PLA2G4E: variants seen among roughly 807,000 people sequenced by gnomAD.
PLA2G4E encodes the protein phospholipase A2 group IVE, also known as cytosolic phospholipase A2 epsilon.
A neutral mutation model predicts 109.1 loss-of-function variants in PLA2G4E; 84 were observed. The ratio of observed to expected loss-of-function variants is 0.77; its 90% CI spans 0.65 to 0.92. The LOEUF is 0.92. Ranked by LOEUF, PLA2G4E falls within the 40% of genes least tolerant of loss-of-function variation. PLA2G4E has a pLI of 0.00. For missense variants in PLA2G4E, 1,057 were observed against 1,076.6 expected (o/e 0.98, Z 0.25); for synonymous variants, 469 against 436.1 (o/e 1.08, Z -0.94).
intron 1 of PLA2G4E, among the ~76,000 whole-genome samples, chr15:42,045,319 G>A (rs565397385): frequency 6.6e-6 from 1 of 152,300 alleles, no homozygotes; most frequent in South Asian, 2.1e-4. Context: ...GGAAGGGCAT[G>A]AGCTGGGGGC....
intron 1 of PLA2G4E, among the ~76,000 whole-genome samples, chr15:42,017,859 A>T (rs2068611291): frequency 6.6e-6 from 1 of 152,208 alleles, no homozygotes; most frequent in South Asian, 2.1e-4. Flanking sequence ...AGCACATCAG[A>T]GCCATAAGGG....
chr15:41,994,913 C>T (rs1216940182), intron 12 of PLA2G4E, among the ~76,000 whole-genome samples: 1 of 152,242 alleles, frequency 6.6e-6, no homozygotes, highest in East Asian at 1.9e-4. Context: ...CCCTGGCCTC[C>T]CTGTGGGGGA....
chr15:42,007,760 CT>C lies in PLA2G4E; in HGVS notation c.361del (p.Ser121AlafsTer10). 1 of 1,612,758 alleles carries C rather than the reference CT, an allele frequency of 6.2e-7. No individual in the cohort carries two copies. The highest frequency in any genetic ancestry group is 8.5e-7 in the Non-Finnish European group (1 of 1,179,394). On this transcript the variant is annotated frameshift_variant, in exon 3 of 20. Transcript: ENST00000399518. LOFTEE classifies it high-confidence loss of function. ...TCGGCTCTGGATCTGGAAGTTGAAG[CT>C]TTCATTCCACTCTGGATTTGGGCAG...
At chr15:42,034,073 C>T (rs1250162917) in intron 1 of PLA2G4E, among the ~76,000 whole-genome samples, 1 of 152,170 alleles carries the variant, frequency 6.6e-6, no homozygotes, top group African/African-American at 2.4e-5. Flanking sequence ...TAGCCCTCAG[C>T]AACTGTCTGC....
chr15:42,015,863 TCG>T (rs2068588807), intron 1 of PLA2G4E, among the ~76,000 whole-genome samples: 1 of 152,352 alleles, frequency 6.6e-6, no homozygotes, highest in African/African-American at 2.4e-5. Flanking sequence ...AGGGGCAGCC[TCG>T]CACGGGTTCT....
At chr15:41,988,053 G>A (rs758127594) in exon 16 of PLA2G4E, 7 of 1,597,650 alleles carry the variant, frequency 4.4e-6, no homozygotes, top group African/African-American at 1.3e-5. Context: ...ACCCACCGAT[G>A]TCCTGCACTT....
chr15:42,046,884 G>A (rs1435165272), intron 1 of PLA2G4E, among the ~76,000 whole-genome samples: 1 of 152,182 alleles, frequency 6.6e-6, no homozygotes, highest in Admixed American at 6.5e-5. Flanking sequence ...TGATTCAAAG[G>A]TAATCTGATA....
intron 1 of PLA2G4E, among the ~76,000 whole-genome samples, chr15:42,029,021 T>A (rs1300808093): frequency 2.0e-5 from 3 of 152,248 alleles, no homozygotes; most frequent in African/African-American, 7.2e-5. Context: ...GTCATCAATG[T>A]ATCTGGCTCA....
At chr15:42,016,241 CTTTTTTTTTTT>C (rs1168452228) in intron 1 of PLA2G4E, among the ~76,000 whole-genome samples, 329 of 104,684 alleles carry the variant, frequency 3.1e-3, no homozygotes, top group African/African-American at 0.012. Context: ...TTTATCTTTA[CTTTTTTTTTTT>C]TTTTTTTTTT....
intron 12 of PLA2G4E, among the ~76,000 whole-genome samples, chr15:41,994,662 C>A (rs1234252973): frequency 2.0e-5 from 3 of 151,880 alleles, no homozygotes; most frequent in African/African-American, 7.3e-5. Flanking sequence ...CCATACCTGG[C>A]CACATAAAAA....
At chr15:42,007,940 G>T in intron 2 of PLA2G4E, 75 bp from the exon 3 acceptor site, 1 of 1,481,716 alleles carries the variant, frequency 6.7e-7, no homozygotes, top group Non-Finnish European at 9.2e-7. Context: ...CTTCAGGCAA[G>T]CCTCTTCCAG....
At position 42,002,689 on chromosome 15, in the gene PLA2G4E, G is replaced by A. The variant is rs773073799; in HGVS notation, c.574C>T (p.Pro192Ser). The stretch of plus-strand genomic sequence containing the variant: ...CCATTGGTGACGAGGGTCTCAGGTG[G>A]AGAGGGACTGAAAAACAAAAGGAGA... Residue 192 changes from proline to serine, a missense_variant, in exon 6 of 20, where the codon CCA becomes TCA. Transcript: ENST00000399518. 19 of 1,579,674 alleles carry A rather than the reference G, an allele frequency of 1.2e-5. No individual in the cohort carries two copies. In the Admixed American group the frequency reaches 3.3e-4, roughly 27 times the overall value.
chr15:41,982,858 G>A (rs892776652), exon 20 of PLA2G4E: 1 of 152,198 alleles, frequency 6.6e-6, no homozygotes, highest in Admixed American at 6.5e-5. Flanking sequence ...CACTGAAACC[G>A]GCCACCTATT....
intron 1 of PLA2G4E, among the ~76,000 whole-genome samples, chr15:42,048,733 G>A (rs1416980060): frequency 6.6e-6 from 1 of 152,218 alleles, no homozygotes; most frequent in Non-Finnish European, 1.5e-5. Flanking sequence ...CCCCATAGAG[G>A]GAGAAACTGA....
exon 20 of PLA2G4E, chr15:41,982,872 C>T (rs966355369): frequency 1.3e-5 from 2 of 152,224 alleles, no homozygotes; most frequent in South Asian, 4.1e-4. Context: ...ACCTATTTGG[C>T]TTTGTTGTGG....
At chr15:41,998,553 A>G (rs985416652) in intron 10 of PLA2G4E, 1 of 152,212 alleles carries the variant, frequency 6.6e-6, no homozygotes, top group African/African-American at 2.4e-5. Flanking sequence ...AATAGAAATC[A>G]TGGCCACTTG....
intron 6 of PLA2G4E, among the ~76,000 whole-genome samples, chr15:42,001,493 C>T (rs960569926): frequency 2.0e-5 from 3 of 152,134 alleles, no homozygotes; most frequent in South Asian, 2.1e-4. Context: ...AGCTGCAGGT[C>T]GGGAATCTGA....
intron 1 of PLA2G4E, among the ~76,000 whole-genome samples, chr15:42,044,550 C>T (rs1175920729): frequency 6.7e-6 from 1 of 148,990 alleles, no homozygotes; most frequent in South Asian, 2.1e-4. Flanking sequence ...AACCAAACAC[C>T]GCATGTTCTC....
chr15:41,982,125 C>G (rs901148954), exon 20 of PLA2G4E: 1 of 152,182 alleles, frequency 6.6e-6, no homozygotes, highest in South Asian at 2.1e-4. Flanking sequence ...CTTTTGGTAC[C>G]TGTCACCACT....
Sources: gnomAD v4.1 joint callset for allele counts (sites outside exome capture counted in the v4.1 genomes callset) on GRCh38, gnomAD v4.1.1 for gene constraint, MANE v1.5 for transcripts, NCBI Gene and HGNC (gene_info 2026-07-23, HGNC 2026-07-21) for gene names.